RTP2: variants seen among roughly 807,000 people sequenced by gnomAD.
The protein encoded by RTP2 is receptor-transporting protein 2.
Under a neutral mutation model 17.9 loss-of-function variants are expected in RTP2, and 12 were observed. That is an observed-to-expected ratio of 0.67 (90% CI 0.43 to 1.09). RTP2 has a LOEUF of 1.09. Ranked by LOEUF, RTP2 falls within the 50% of genes least tolerant of loss-of-function variation. The pLI, the probability that RTP2 is intolerant of heterozygous loss-of-function variation, is 0.00. For missense variants in RTP2, 327 were observed against 295.7 expected, an observed-to-expected ratio of 1.11 and a Z score of -0.78; for synonymous variants, 126 against 117.7, an observed-to-expected ratio of 1.07 and a Z score of -0.46.
intron 1 of RTP2, among the ~76,000 whole-genome samples, chr3:187,699,442 T>C (rs1717785738): frequency 6.6e-6 from 1 of 152,152 alleles, no homozygotes; most frequent in South Asian, 2.1e-4. Context: ...AAGGATGACA[T>C]ACACCATCTA....
upstream of RTP2, among the ~76,000 whole-genome samples, chr3:187,703,277 T>G (rs1039469039): frequency 6.6e-6 from 1 of 152,190 alleles, no homozygotes; most frequent in African/African-American, 2.4e-5. Flanking sequence ...CACGCAGAGT[T>G]CCAACAGTAA....
At chr3:187,715,410 C>T in the RTP2 span, among the ~76,000 whole-genome samples, 15 of 151,814 alleles carry the variant, frequency 9.9e-5, no homozygotes, top group Middle Eastern at 3.4e-3. Context: ...AGGTTCCCCC[C>T]GCCAGGGTTC....
the RTP2 span, among the ~76,000 whole-genome samples, chr3:187,710,555 G>A: frequency 1.9e-3 from 280 of 150,238 alleles, 1 homozygote; most frequent in Middle Eastern, 0.014. Context: ...ATATATATAT[G>A]TGTGTGTATA....
exon 2 of RTP2, chr3:187,698,582 A>G: frequency 1.3e-5 from 21 of 1,614,248 alleles, no homozygotes; most frequent in Non-Finnish European, 1.8e-5. Context: ...ACCAGCGAAG[A>G]GACAAGAAGT....
At chr3:187,708,504 G>A in the RTP2 span, among the ~76,000 whole-genome samples, 13 of 152,352 alleles carry the variant, frequency 8.5e-5, no homozygotes, top group East Asian at 1.2e-3. Flanking sequence ...ATTGATGGAA[G>A]CTGGTCAGGG....
the RTP2 span, among the ~76,000 whole-genome samples, chr3:187,711,867 C>T: frequency 6.6e-6 from 1 of 152,122 alleles, no homozygotes; most frequent in African/African-American, 2.4e-5. Context: ...AGTGAGTGCT[C>T]AGTAAATGTT....
upstream of RTP2, among the ~76,000 whole-genome samples, chr3:187,703,755 A>G (rs1327809488): frequency 1.3e-5 from 2 of 152,202 alleles, no homozygotes; most frequent in East Asian, 3.8e-4. Context: ...GTGCCAGGAA[A>G]GAACCTCTGA....
At chr3:187,709,915 A>G in the RTP2 span, among the ~76,000 whole-genome samples, 2 of 152,128 alleles carry the variant, frequency 1.3e-5, no homozygotes, top group Non-Finnish European at 2.9e-5. Context: ...TTGGCAACAC[A>G]TGTATGATGA....
At chr3:187,712,577 T>A in the RTP2 span, among the ~76,000 whole-genome samples, 1 of 152,206 alleles carries the variant, frequency 6.6e-6, no homozygotes, top group Non-Finnish European at 1.5e-5. Flanking sequence ...GAATTTCTGA[T>A]AACTAGTGTC....
At chr3:187,704,466 C>T (rs1358193865), upstream of RTP2, among the ~76,000 whole-genome samples, 1 of 152,156 alleles carries the variant, frequency 6.6e-6, no homozygotes, top group Non-Finnish European at 1.5e-5. Context: ...AATTTGCTCT[C>T]CACCTACTCC....
At chr3:187,699,908 C>A (rs558078055) in intron 1 of RTP2, among the ~76,000 whole-genome samples, 106 of 152,280 alleles carry the variant, frequency 7.0e-4, no homozygotes, top group Non-Finnish European at 1.1e-3. Context: ...GCCCCACTCA[C>A]TCCGCCCCCA....
At chr3:187,706,055 T>G (rs919962962), upstream of RTP2, among the ~76,000 whole-genome samples, 3 of 152,304 alleles carry the variant, frequency 2.0e-5, no homozygotes, top group African/African-American at 7.2e-5. Context: ...CCCAAAATGA[T>G]CAGGCTTTGC....
At chr3:187,699,790 TTC>T (rs56747490) in intron 1 of RTP2, among the ~76,000 whole-genome samples, 3,704 of 119,104 alleles carry the variant, frequency 0.031, 113 homozygotes, top group Admixed American at 0.092. Context: ...CACATATATT[TTC>T]TCTCTCTCTC....
At chr3:187,707,357 A>G (rs1245212207), upstream of RTP2, among the ~76,000 whole-genome samples, 3 of 152,236 alleles carry the variant, frequency 2.0e-5, no homozygotes, top group Non-Finnish European at 2.9e-5. Context: ...TACCAATGTG[A>G]TCGTCTTTGG....
the RTP2 span, among the ~76,000 whole-genome samples, chr3:187,707,986 G>A: frequency 6.6e-6 from 1 of 152,218 alleles, no homozygotes; most frequent in African/African-American, 2.4e-5. Flanking sequence ...ACTGGATTAA[G>A]TGTGATGAGA....
rs565072570 is a variant in RTP2 at position 187,701,535 on chromosome 3, T to G, written c.164+430A>C. ...ACAGCAGGTGGTCAATAAATGTTTA[T>G]GTATTCAGATCAAATTGGATTAATT... On this transcript the variant is annotated intron_variant, in intron 1 of 1. Transcript: ENST00000358241. Among the ~76,000 whole-genome samples the G allele has an allele frequency of 1.2e-4, 19 of 152,298 alleles. No individual in the cohort carries two copies. In the South Asian group the frequency reaches 3.9e-3, roughly 32 times the overall value.
exon 2 of RTP2, chr3:187,698,473 C>T (rs756566466): frequency 1.3e-6 from 2 of 1,571,776 alleles, no homozygotes; most frequent in South Asian, 2.4e-5. Flanking sequence ...GCCCATGTGC[C>T]CTCTCCCACC....
chr3:187,698,815 G>A lies in RTP2; in HGVS notation c.361C>T (p.Leu121Phe), dbSNP rs1165574027. 1.9e-6 allele frequency: 3 copies of A among 1,613,220 alleles called. No homozygotes were observed. The South Asian group carries it at 3.3e-5, about 18-fold the overall frequency. The stretch of plus-strand genomic sequence containing the variant: ...CACTGCTCGCGCAGGCTGGTGATGA[G>A]GTTGTCCACCAGGCCCTCGATGTTC... The change falls in exon 2 of 2, where the codon CTC (leucine) becomes TTC (phenylalanine). Residue 121 changes from leucine (L) to phenylalanine (F), a missense_variant. By Grantham distance (22) the Leu-to-Phe change is conservative. Coordinates refer to ENST00000358241, the Ensembl canonical transcript of RTP2.
the RTP2 span, among the ~76,000 whole-genome samples, chr3:187,710,232 A>G: frequency 6.6e-6 from 1 of 152,066 alleles, no homozygotes; most frequent in African/African-American, 2.4e-5. Context: ...GGAATCTACA[A>G]GATCAGCTCT....
Sources: gnomAD v4.1 joint callset for allele counts (sites outside exome capture counted in the v4.1 genomes callset) on GRCh38, gnomAD v4.1.1 for gene constraint, MANE v1.5 for transcripts, NCBI Gene and HGNC (gene_info 2026-07-23, HGNC 2026-07-21) for gene names.